Variants in ERI3 observed in about 807,000 individuals in gnomAD.
ERI3 encodes ERI1 exoribonuclease family member 3.
Under a neutral mutation model 44.4 loss-of-function variants are expected in ERI3, and 18 were observed. The observed-to-expected ratio is 0.41, with a 90% CI of 0.28 to 0.60. The LOEUF is 0.60. ERI3 is among the 20% of genes least tolerant of loss of function. The probability of loss-of-function intolerance (pLI) is 0.36; values close to 1 mark genes in which losing one functional copy is unlikely to be tolerated. For missense variants in ERI3, 294 were observed against 435.5 expected, an observed-to-expected ratio of 0.68 and a Z score of 2.89; for synonymous variants, 183 against 164.8, an observed-to-expected ratio of 1.11 and a Z score of -0.84.
Position 44,221,448 on chromosome 1 carries a change from T to G in ERI3, c.*110A>C. On this transcript the variant is annotated 3_prime_UTR_variant, in exon 9 of 9. Transcript: ENST00000372257. The surrounding 1 kb of genome is among the most constrained non-coding windows in gnomAD (Gnocchi z 5.9). ...GAGCCCACAGGGCAGCTGGGGACAC[T>G]CTGGACACAGAGCTATGCCACTCTC... is the stretch of plus-strand genomic sequence containing the variant. 2.1e-6 allele frequency: 2 copies of G among 936,174 alleles called. No individual in the cohort carries two copies. Among genetic ancestry groups the G allele is most frequent in the Non-Finnish European group, 3.3e-6 (2 of 597,962 alleles). The allele number at this position is 936,174 out of a possible 1,614,324, so 58.0% of individuals were successfully genotyped here.
In ERI3 at chr1:44,354,956, G is replaced by A. The variant is rs757232609; in HGVS notation, c.71C>T (p.Pro24Leu). The A allele has an allele frequency of 2.2e-6, 3 of 1,344,770 alleles. No homozygotes were observed. Among genetic ancestry groups the A allele is most frequent in the Admixed American group, 3.1e-5 (1 of 32,718 alleles). 83.3% of individuals were successfully genotyped at this position (1,344,770 alleles called of 1,614,324 possible). The change falls in exon 1 of 9, where the codon CCC becomes CTC. Residue 24 changes from proline to leucine, a missense_variant. Pro to Leu is a moderately conservative substitution (Grantham distance 98, BLOSUM62 -3). Around this residue, in one of 2 missense-constraint regions of ERI3, gnomAD observed 107 missense variants for 96.9 expected, o/e 1.10. Coordinates refer to ENST00000372257, the MANE Select transcript of ERI3 (RefSeq NM_024066.3). ...RPWEGGLVSW[P>L]PAPPLTLPWT... is the part of the protein sequence containing the mutation. Reference sequence around the variant, plus strand: ...GGGGAGAGTAAGGGGAGGGGCGGGGGGCCAGGAGACCAGCCCTCCTTCCCA... The same window carrying A: ...GGGGAGAGTAAGGGGAGGGGCGGGGAGCCAGGAGACCAGCCCTCCTTCCCA...
At chr1:44,238,293 A>G (rs1231783552) in intron 8 of ERI3, among the ~76,000 whole-genome samples, 2 of 151,796 alleles carry the variant, frequency 1.3e-5, no homozygotes, top group Non-Finnish European at 2.9e-5. Flanking sequence ...ACAGGGAGAG[A>G]CCAATGAGGC....
intron 2 of ERI3, among the ~76,000 whole-genome samples, chr1:44,341,560 G>A (rs1031701379): frequency 2.0e-5 from 3 of 152,064 alleles, no homozygotes; most frequent in Non-Finnish European, 4.4e-5. Flanking sequence ...TTGCCTGCAG[G>A]CCTTGCTTTC....
chr1:44,303,926 C>T (rs1233605051), intron 6 of ERI3, among the ~76,000 whole-genome samples: 1 of 152,014 alleles, frequency 6.6e-6, no homozygotes, highest in Non-Finnish European at 1.5e-5. Flanking sequence ...TAGGGCAGGG[C>T]AGTAGGGATG....
At position 44,233,401 on chromosome 1, in the gene ERI3, C is replaced by G. The variant is rs72686064; in HGVS notation, c.932-11761G>C. 7.4e-3 allele frequency among the ~76,000 whole-genome samples: 1,117 copies of G among 151,548 alleles called. 4 individuals are homozygous for G. The highest frequency in any genetic ancestry group is 0.014 in the Middle Eastern group (4 of 294). ...CAAGAGAGGGCCAAGCCTGATGTCA[C>G]GTTCTTTTTTTTTTTTTTTTGAGAT... On this transcript the variant is annotated intron_variant, in intron 8 of 8. Transcript: ENST00000372257.
chr1:44,335,833 C>T (rs954983462), intron 3 of ERI3, among the ~76,000 whole-genome samples: 2 of 151,978 alleles, frequency 1.3e-5, no homozygotes, highest in Non-Finnish European at 2.9e-5. Context: ...GCCATCAAGC[C>T]GTTCTGAGAC....
chr1:44,312,732 T>C lies in ERI3; in HGVS notation c.666+437A>G, dbSNP rs535334614. On this transcript the variant is annotated intron_variant, in intron 5 of 8. Transcript: ENST00000372257. ...AGGAGCTCTCAGCAAACAAAAGCCA[T>C]CGATGCGGAGTTCTGGGTGAGTTAA... 4.7e-3 allele frequency among the ~76,000 whole-genome samples: 719 copies of C among 152,322 alleles called. 5 individuals carry two copies. Among genetic ancestry groups the C allele is most frequent in the Non-Finnish European group, 7.6e-3 (517 of 68,022 alleles).
intron 6 of ERI3, among the ~76,000 whole-genome samples, chr1:44,290,022 AC>A (rs1315202121): frequency 6.6e-6 from 1 of 152,204 alleles, no homozygotes; most frequent in Non-Finnish European, 1.5e-5. Flanking sequence ...GGCAGACCCA[AC>A]TCAGGGAGAT....
At chr1:44,306,890 C>T (rs978707008) in intron 6 of ERI3, among the ~76,000 whole-genome samples, 6 of 152,204 alleles carry the variant, frequency 3.9e-5, no homozygotes, top group Non-Finnish European at 7.3e-5. Flanking sequence ...AAACTGGCCC[C>T]ACCTTGAGTA....
intron 8 of ERI3, among the ~76,000 whole-genome samples, chr1:44,222,288 A>G (rs1457954681): frequency 2.0e-5 from 3 of 152,210 alleles, no homozygotes; most frequent in Non-Finnish European, 4.4e-5. Context: ...CTCCGACAGG[A>G]TGGGGAGGGT....
chr1:44,354,231 T>C lies in ERI3; in HGVS notation c.135+661A>G, dbSNP rs1372598044. Reference sequence around the variant, plus strand: ...CTTCCGCTGGGAGACTGATTAAATGTCTGACAAGAGTAAATGCCATTGAAG... The same window carrying C: ...CTTCCGCTGGGAGACTGATTAAATGCCTGACAAGAGTAAATGCCATTGAAG... On this transcript the variant is annotated intron_variant, in intron 1 of 8. Transcript: ENST00000372257. 3 of 985,312 alleles carry C rather than the reference T, an allele frequency of 3.0e-6. No homozygotes were observed. The African/African-American group carries it at 5.2e-5, about 17-fold the overall frequency. 61.0% of individuals were successfully genotyped at this position (985,312 alleles called of 1,614,324 possible).
At chr1:44,269,226 ACAAGAAGAAACTCC>A (rs1435616240) in intron 7 of ERI3, among the ~76,000 whole-genome samples, 6 of 152,360 alleles carry the variant, frequency 3.9e-5, no homozygotes, top group Admixed American at 2.0e-4. Flanking sequence ...CCAAGAGACC[ACAAGAAGAAACTCC>A]CTCATCCAAC....
rs746626032 is a variant in ERI3, at chr1:44,284,911, C to CA, written c.759-5dup. 30 of 1,607,030 alleles carry CA rather than the reference C, an allele frequency of 1.9e-5. No homozygotes were observed. The highest frequency in any genetic ancestry group is 8.9e-5 in the East Asian group (4 of 44,794). ...GTACTGGCACTGGCCTGGGAGCCTA[C>CA]AAAAAAAAGGGAAGAGAGAACAAGT... On this transcript the variant is annotated splice_polypyrimidine_tract_variant and splice_region_variant and intron_variant, in intron 6 of 8. Coordinates refer to ENST00000372257, the MANE Select transcript of ERI3 (RefSeq NM_024066.3).
In ERI3 at chr1:44,252,196, C is replaced by G. The variant is rs981468262; in HGVS notation, c.832-4158G>C. The stretch of plus-strand genomic sequence containing the variant: ...ATGCGAGCCACAGGGACAGGTGGAG[C>G]TGGCTGAGGTGAAAGATGCTGGGCC... On this transcript the variant is annotated intron_variant, in intron 7 of 8. Transcript: ENST00000372257. The surrounding 1 kb of genome is among the most constrained non-coding windows in gnomAD (Gnocchi z 4.7). Among the ~76,000 whole-genome samples the G allele has an allele frequency of 6.6e-6, 1 of 152,218 alleles. No individual in the cohort carries two copies. Among genetic ancestry groups the G allele is most frequent in the Non-Finnish European group, 1.5e-5 (1 of 68,036 alleles).
At chr1:44,245,160 G>C (rs546360688) in intron 8 of ERI3, among the ~76,000 whole-genome samples, 1 of 152,088 alleles carries the variant, frequency 6.6e-6, no homozygotes, top group Non-Finnish European at 1.5e-5. Context: ...ACAGTAACTC[G>C]GGGCATCGCC....
At chr1:44,314,815 A>T (rs1360943454) in intron 4 of ERI3, among the ~76,000 whole-genome samples, 3 of 152,194 alleles carry the variant, frequency 2.0e-5, no homozygotes, top group Non-Finnish European at 2.9e-5. Context: ...AGTGAAGAAA[A>T]ATGTAAAAAC....
intron 6 of ERI3, among the ~76,000 whole-genome samples, chr1:44,300,854 G>C (rs557680379): frequency 6.6e-6 from 1 of 152,258 alleles, no homozygotes; most frequent in Admixed American, 6.5e-5. Context: ...TCAGGCTAAC[G>C]AGGCTACCCC....
At chr1:44,328,090 G>A (rs1646351460) in intron 3 of ERI3, among the ~76,000 whole-genome samples, 1 of 152,190 alleles carries the variant, frequency 6.6e-6, no homozygotes, top group Non-Finnish European at 1.5e-5. Flanking sequence ...CCTGTGGGGT[G>A]GTTCATAGAT....
At chr1:44,323,359 C>T (rs369542907) in intron 3 of ERI3, among the ~76,000 whole-genome samples, 8 of 152,280 alleles carry the variant, frequency 5.3e-5, no homozygotes, top group Admixed American at 2.0e-4. Context: ...AGTGGAGGGA[C>T]GTACACAGTG....
Sources: gnomAD v4.1 joint callset for allele counts (sites outside exome capture counted in the v4.1 genomes callset) on GRCh38, gnomAD v4.1.1 for gene constraint, gnomAD v4.1.1 regional missense constraint, Gnocchi (gnomAD v3.1) non-coding constraint, MANE v1.5 for transcripts, NCBI Gene and HGNC (gene_info 2026-07-23, HGNC 2026-07-21) for gene names.